Variants in CELF4 observed in about 807,000 individuals in gnomAD.
CELF4 encodes CUG-BP- and ETR-3-like factor 4.
In CELF4, 18 loss-of-function variants were observed where a neutral mutation model predicts 59.9. The observed-to-expected ratio is 0.30, with a 90% CI of 0.21 to 0.45. The LOEUF is 0.45. CELF4 is among the 20% of genes least tolerant of loss of function. The pLI is 1.00. For synonymous variants in CELF4, 261 were observed against 267.1 expected, an observed-to-expected ratio of 0.98 and a Z score of 0.22; for missense variants, 456 against 689.0, an observed-to-expected ratio of 0.66 and a Z score of 3.79.
chr18:37,411,979 C>T (rs1055996329), intron 2 of CELF4, among the ~76,000 whole-genome samples: 1 of 152,228 alleles, frequency 6.6e-6, no homozygotes, highest in African/African-American at 2.4e-5. Context: ...TCCACCTCTT[C>T]CATGGAGCAG....
chr18:37,489,417 G>A (rs543036179), intron 1 of CELF4, among the ~76,000 whole-genome samples: 1 of 152,288 alleles, frequency 6.6e-6, no homozygotes, highest in East Asian at 1.9e-4. Flanking sequence ...TGGAGAATGG[G>A]GGGCCGGGGA....
At chr18:37,400,468 GTGTT>G (rs2099313100) in intron 2 of CELF4, among the ~76,000 whole-genome samples, 1 of 152,180 alleles carries the variant, frequency 6.6e-6, no homozygotes, top group South Asian at 2.1e-4. Context: ...CCAAAGAAAT[GTGTT>G]TGTTGCATTC....
At chr18:37,350,342 C>T (rs550223468) in intron 2 of CELF4, among the ~76,000 whole-genome samples, 1 of 152,224 alleles carries the variant, frequency 6.6e-6, no homozygotes, top group Non-Finnish European at 1.5e-5. Flanking sequence ...CCAAGAACTT[C>T]CTGAAAATCC....
At chr18:37,415,079 C>T (rs2099516558) in intron 2 of CELF4, among the ~76,000 whole-genome samples, 1 of 152,140 alleles carries the variant, frequency 6.6e-6, no homozygotes, top group Non-Finnish European at 1.5e-5. Context: ...CCAGGGTGCT[C>T]TGGGGAGATG....
chr18:37,445,244 C>G (rs1315605239), intron 2 of CELF4, among the ~76,000 whole-genome samples: 1 of 152,128 alleles, frequency 6.6e-6, no homozygotes. Flanking sequence ...GAAGCGGGAG[C>G]AGAGGGGCCA....
chr18:37,257,852 C>T (rs1378575056), intron 11 of CELF4, among the ~76,000 whole-genome samples: 3 of 152,084 alleles, frequency 2.0e-5, no homozygotes, highest in Non-Finnish European at 4.4e-5. Flanking sequence ...GGGTCTGGCC[C>T]AGAAGGAACG....
chr18:37,292,044 A>C (rs1468553948), intron 3 of CELF4, among the ~76,000 whole-genome samples: 1 of 152,104 alleles, frequency 6.6e-6, no homozygotes, highest in Non-Finnish European at 1.5e-5. Flanking sequence ...ATAAAAAAAA[A>C]AAAGAGGCCT....
At chr18:37,352,412 G>C (rs181910906) in intron 2 of CELF4, among the ~76,000 whole-genome samples, 3 of 152,206 alleles carry the variant, frequency 2.0e-5, no homozygotes, top group Admixed American at 1.3e-4. Flanking sequence ...GGAGGGTGAG[G>C]CGGGAGGATC....
At chr18:37,318,471 C>T (rs2096949095) in intron 3 of CELF4, among the ~76,000 whole-genome samples, 2 of 151,784 alleles carry the variant, frequency 1.3e-5, no homozygotes, top group African/African-American at 4.8e-5. Context: ...TCCCCTTCTC[C>T]CCAGAAGTAT....
intron 1 of CELF4, among the ~76,000 whole-genome samples, chr18:37,532,960 C>G (rs1308278669): frequency 2.6e-5 from 4 of 152,250 alleles, no homozygotes; most frequent in Non-Finnish European, 4.4e-5. Context: ...GCACCAAAGT[C>G]TTTCTTCCCA....
At chr18:37,389,590 T>G (rs1429071442) in intron 2 of CELF4, among the ~76,000 whole-genome samples, 1 of 152,088 alleles carries the variant, frequency 6.6e-6, no homozygotes, top group Admixed American at 6.5e-5. Context: ...GCTGGACCTC[T>G]GGGTATGCTT....
At position 37,270,921 on chromosome 18, in the gene CELF4, G is replaced by C. The variant is rs375599257; in HGVS notation, c.950-4C>G. ...ATGCCCGGAGGGGTGCTGCCACCTG[G>C]TTCCAGGCATACAGAAGGGTGGAGG... On this transcript the variant is annotated splice_polypyrimidine_tract_variant and splice_region_variant and intron_variant, in intron 7 of 12. Transcript: ENST00000420428. 1 of 1,601,676 alleles carries C rather than the reference G, an allele frequency of 6.2e-7. No individual in the cohort carries two copies. Among genetic ancestry groups the C allele is most frequent in the Non-Finnish European group, 8.5e-7 (1 of 1,173,550 alleles).
intron 2 of CELF4, among the ~76,000 whole-genome samples, chr18:37,322,447 T>C (rs1317348153): frequency 1.3e-5 from 2 of 152,198 alleles, no homozygotes; most frequent in African/African-American, 4.8e-5. Flanking sequence ...TGGGGCTCCA[T>C]ATTGCAGCCA....
At chr18:37,306,682 C>A (rs1035994599) in intron 3 of CELF4, among the ~76,000 whole-genome samples, 2 of 152,122 alleles carry the variant, frequency 1.3e-5, no homozygotes, top group African/African-American at 2.4e-5. Flanking sequence ...CTGACAAGAG[C>A]CCTTCAGTGG....
At chr18:37,438,862 T>C (rs1001768944) in intron 2 of CELF4, among the ~76,000 whole-genome samples, 2 of 152,218 alleles carry the variant, frequency 1.3e-5, no homozygotes, top group African/African-American at 4.8e-5. Flanking sequence ...CATTTTTTTT[T>C]CTTCAATTCT....
chr18:37,501,410 T>C (rs1040720907), intron 1 of CELF4, among the ~76,000 whole-genome samples: 7 of 152,252 alleles, frequency 4.6e-5, no homozygotes, highest in Non-Finnish European at 8.8e-5. Flanking sequence ...CCCCAGACCC[T>C]GGCAGCCCTC....
At position 37,246,365 on chromosome 18, in the gene CELF4, C is replaced by A. The variant is rs1367710971; in HGVS notation, c.*45-1168G>T. Among the ~76,000 whole-genome samples the A allele has an allele frequency of 6.6e-6, 1 of 152,100 alleles. No individual in the cohort carries two copies. Among genetic ancestry groups the A allele is most frequent in the African/African-American group, 2.4e-5 (1 of 41,420 alleles). On this transcript the variant is annotated intron_variant, in intron 12 of 12. Coordinates refer to ENST00000420428, the MANE Select transcript of CELF4 (RefSeq NM_020180.4). The surrounding 1 kb of genome is among the most constrained non-coding windows in gnomAD (Gnocchi z 5.3). Reference sequence around the variant, plus strand: ...GTTGTAAACAAAAAGGTGCATTTTGCTTTTGTTAGTACTGTTTCTTCCAAA... The same window carrying A: ...GTTGTAAACAAAAAGGTGCATTTTGATTTTGTTAGTACTGTTTCTTCCAAA...
intron 2 of CELF4, among the ~76,000 whole-genome samples, chr18:37,433,774 C>A (rs567649870): frequency 4.6e-5 from 7 of 152,070 alleles, no homozygotes; most frequent in Admixed American, 6.6e-5. Context: ...TAAGTCTTCA[C>A]GATTCTGTCA....
At chr18:37,534,972 GC>G (rs1172828189) in intron 1 of CELF4, among the ~76,000 whole-genome samples, 1 of 152,212 alleles carries the variant, frequency 6.6e-6, no homozygotes, top group East Asian at 1.9e-4. Context: ...AAACTGAGGT[GC>G]CATGTCCCAA....
Sources: allele counts gnomAD v4.1 joint callset (sites outside exome capture counted in the v4.1 genomes callset), GRCh38; gene constraint gnomAD v4.1.1; non-coding constraint Gnocchi (gnomAD v3.1); transcripts MANE v1.5; gene names NCBI Gene and HGNC (gene_info 2026-07-23, HGNC 2026-07-21).